KCNMA1: variants seen among roughly 807,000 people sequenced by gnomAD.
The protein encoded by KCNMA1 is potassium calcium-activated channel subfamily M alpha 1.
KCNMA1 carries 29 observed loss-of-function variants against 140.0 expected under a neutral mutation model. The observed-to-expected ratio is 0.21, with a 90% CI of 0.15 to 0.28. The LOEUF is 0.28. Ranked by LOEUF, KCNMA1 falls within the 10% of genes least tolerant of loss-of-function variation. The probability of loss-of-function intolerance (pLI) is 1.00; values close to 1 mark genes in which losing one functional copy is unlikely to be tolerated. For synonymous variants in KCNMA1, 612 were observed against 611.9 expected, an observed-to-expected ratio of 1.00 and a Z score of 0.00; for missense variants, 880 against 1,602.2, an observed-to-expected ratio of 0.55 and a Z score of 7.70.
chr10:76,885,949 C>G lies in KCNMA1; in HGVS notation c.*1317G>C. ...AATGACAAGGAGCAGCTCTCTATTGCCGTCATTACCCTGCCTAAATTGGCT... is the reference window on the plus strand; with the variant it reads ...AATGACAAGGAGCAGCTCTCTATTGGCGTCATTACCCTGCCTAAATTGGCT... On this transcript the variant is annotated 3_prime_UTR_variant, in exon 28 of 28. Coordinates refer to ENST00000286628, the MANE Select transcript of KCNMA1 (RefSeq NM_001161352.2). 2 of 985,436 alleles carry G rather than the reference C, an allele frequency of 2.0e-6. No individual in the cohort carries two copies. Among genetic ancestry groups the G allele is most frequent in the Non-Finnish European group, 2.4e-6 (2 of 829,932 alleles). 61.0% of individuals were successfully genotyped at this position (985,436 alleles called of 1,614,324 possible).
At position 77,563,403 on chromosome 10, in the gene KCNMA1, G is replaced by A. The variant is rs77038279; in HGVS notation, c.378+73862C>T. Among the ~76,000 whole-genome samples, 477 of 152,166 alleles carry A rather than the reference G, an allele frequency of 3.1e-3. 3 individuals are homozygous for A. Among genetic ancestry groups the A allele is most frequent in the African/African-American group, 0.011 (454 of 41,510 alleles). Reference sequence around the variant, plus strand: ...TCCCTTCTGGGTGATAAGGCAACCCGTCCTCATCACCATTTTTTCATTACC... The same window carrying A: ...TCCCTTCTGGGTGATAAGGCAACCCATCCTCATCACCATTTTTTCATTACC... On this transcript the variant is annotated intron_variant, in intron 1 of 27. Coordinates refer to ENST00000286628, the MANE Select transcript of KCNMA1 (RefSeq NM_001161352.2).
At chr10:77,421,799 G>A (rs2096872225) in intron 1 of KCNMA1, among the ~76,000 whole-genome samples, 1 of 152,238 alleles carries the variant, frequency 6.6e-6, no homozygotes, top group Admixed American at 6.5e-5. Flanking sequence ...AGAGACGGAA[G>A]CCACGTCTTG....
At chr10:77,376,948 A>AATAAATAC (rs139166652) in intron 2 of KCNMA1, among the ~76,000 whole-genome samples, 7 of 148,314 alleles carry the variant, frequency 4.7e-5, no homozygotes, top group African/African-American at 1.5e-4. Context: ...AAAATAAATA[A>AATAAATAC]ATACATACAT....
At chr10:77,466,867 C>T (rs2098029992) in intron 1 of KCNMA1, among the ~76,000 whole-genome samples, 1 of 147,004 alleles carries the variant, frequency 6.8e-6, no homozygotes, top group Non-Finnish European at 1.5e-5. Flanking sequence ...GATTTGAAAG[C>T]CCTAGAGGCA....
At chr10:77,050,780 G>A (rs1440026736) in intron 14 of KCNMA1, among the ~76,000 whole-genome samples, 1 of 152,194 alleles carries the variant, frequency 6.6e-6, no homozygotes, top group African/African-American at 2.4e-5. Flanking sequence ...GAGGACAAGA[G>A]ATTCAGAAGA....
At chr10:77,241,451 C>T (rs1201959008) in intron 3 of KCNMA1, among the ~76,000 whole-genome samples, 1 of 151,492 alleles carries the variant, frequency 6.6e-6, no homozygotes, top group African/African-American at 2.4e-5. Flanking sequence ...TAAAACCAGT[C>T]TGGGCAACAC....
chr10:76,890,085 A>G (rs1742850038), intron 26 of KCNMA1, among the ~76,000 whole-genome samples: 1 of 152,208 alleles, frequency 6.6e-6, no homozygotes, highest in Non-Finnish European at 1.5e-5. Flanking sequence ...GGACCCTGTG[A>G]AAAGCACAAT....
intron 1 of KCNMA1, among the ~76,000 whole-genome samples, chr10:77,523,207 C>G (rs534505334): frequency 2.9e-4 from 43 of 149,364 alleles, no homozygotes; most frequent in Admixed American, 8.0e-4. Flanking sequence ...GGACGTGCCC[C>G]CCCCCCTTGC....
rs1043180773 is a variant in KCNMA1, at chr10:77,272,704, T to G, written c.541-21448A>C. On this transcript the variant is annotated intron_variant, in intron 2 of 27. Transcript: ENST00000286628. ...TTCTCATCCTAATTAAATGAAGCTA[T>G]TTTTGCAACTGTTTTCCAGTCCAAG... Among the ~76,000 whole-genome samples, 6 of 152,156 alleles carry G rather than the reference T, an allele frequency of 3.9e-5. No individual in the cohort carries two copies. In the East Asian group the frequency reaches 9.6e-4, roughly 24 times the overall value.
chr10:77,034,831 T>C lies in KCNMA1; in HGVS notation c.1859+4697A>G, dbSNP rs181442806. 3.5e-4 allele frequency among the ~76,000 whole-genome samples: 54 copies of C among 152,312 alleles called. No homozygotes were observed. In the East Asian group the frequency reaches 0.01, roughly 29 times the overall value. Reference sequence around the variant, plus strand: ...ATTTTAAATACATCTTTTGTCCTAATCCCCTCTGAGCTGTAAAACCTGATA... The same window carrying C: ...ATTTTAAATACATCTTTTGTCCTAACCCCCTCTGAGCTGTAAAACCTGATA... On this transcript the variant is annotated intron_variant, in intron 15 of 27. Coordinates refer to ENST00000286628, the MANE Select transcript of KCNMA1 (RefSeq NM_001161352.2).
chr10:77,346,458 TA>T lies in KCNMA1; in HGVS notation c.540+57403del, dbSNP rs1313540299. The stretch of plus-strand genomic sequence containing the variant: ...GGTCATTTGTTTTGTTTTTGTCCCT[TA>T]GGCTGAAGTGCGTCCACAGTTTTGA... On this transcript the variant is annotated intron_variant, in intron 2 of 27. Transcript: ENST00000286628. Among the ~76,000 whole-genome samples, 2 of 152,208 alleles carry T rather than the reference TA, an allele frequency of 1.3e-5. 1 individual carries two copies. The highest frequency in any genetic ancestry group is 2.9e-5 in the Non-Finnish European group (2 of 68,044).
chr10:77,412,782 A>G (rs2096648233), intron 1 of KCNMA1, among the ~76,000 whole-genome samples: 1 of 152,106 alleles, frequency 6.6e-6, no homozygotes, highest in Non-Finnish European at 1.5e-5. Flanking sequence ...GAGTGAAGGG[A>G]TTTTCTGGGG....
chr10:76,991,899 G>T (rs2153345439), intron 19 of KCNMA1, among the ~76,000 whole-genome samples: 1 of 152,306 alleles, frequency 6.6e-6, no homozygotes, highest in African/African-American at 2.4e-5. Flanking sequence ...ATGCTCTATG[G>T]TGTGCAGATG....
chr10:76,985,982 T>C (rs2081164214), intron 19 of KCNMA1, among the ~76,000 whole-genome samples: 1 of 152,206 alleles, frequency 6.6e-6, no homozygotes, highest in Non-Finnish European at 1.5e-5. Flanking sequence ...TGTTTCTCAC[T>C]TGAAACAAAT....
intron 1 of KCNMA1, among the ~76,000 whole-genome samples, chr10:77,511,552 G>A (rs1384785091): frequency 6.6e-6 from 1 of 152,150 alleles, no homozygotes; most frequent in African/African-American, 2.4e-5. Flanking sequence ...TTATCTCTAA[G>A]GGAGAGAAAA....
chr10:77,055,546 C>T (rs1386248683), intron 14 of KCNMA1, among the ~76,000 whole-genome samples: 1 of 151,652 alleles, frequency 6.6e-6, no homozygotes, highest in Non-Finnish European at 1.5e-5. Context: ...TCCTGTGCCC[C>T]AACACCAAGC....
At position 77,303,237 on chromosome 10, in the gene KCNMA1, T is replaced by C. The variant is rs16934534; in HGVS notation, c.541-51981A>G. Among the ~76,000 whole-genome samples, 1,385 of 152,302 alleles carry C rather than the reference T, an allele frequency of 9.1e-3. 23 individuals are homozygous for C. The highest frequency in any genetic ancestry group is 0.032 in the African/African-American group (1,321 of 41,564). ...ACTGTCTCACAGGGTCACTGTATCATGGCATCCATCTTTCCATGGGTACAT... is the reference window on the plus strand; with the variant it reads ...ACTGTCTCACAGGGTCACTGTATCACGGCATCCATCTTTCCATGGGTACAT... On this transcript the variant is annotated intron_variant, in intron 2 of 27. Transcript: ENST00000286628.
intron 2 of KCNMA1, among the ~76,000 whole-genome samples, chr10:77,334,800 G>T (rs1276438837): frequency 6.6e-6 from 1 of 152,050 alleles, no homozygotes; most frequent in Non-Finnish European, 1.5e-5. Context: ...ATTAAAAAAT[G>T]AAAAATAAAC....
At chr10:77,495,600 A>G (rs2041616923) in intron 1 of KCNMA1, among the ~76,000 whole-genome samples, 1 of 152,212 alleles carries the variant, frequency 6.6e-6, no homozygotes, top group East Asian at 1.9e-4. Flanking sequence ...CTCTCCATGC[A>G]TCTACTCCCA....
Sources: allele counts gnomAD v4.1 joint callset (sites outside exome capture counted in the v4.1 genomes callset), GRCh38; gene constraint gnomAD v4.1.1; transcripts MANE v1.5; gene names NCBI Gene and HGNC (gene_info 2026-07-23, HGNC 2026-07-21).